Variants in CSK observed in about 807,000 individuals in gnomAD.
CSK encodes the protein tyrosine-protein kinase CSK.
CSK carries 7 observed loss-of-function variants against 62.3 expected under a neutral mutation model. That is an observed-to-expected ratio of 0.11 (90% CI 0.06 to 0.21). CSK has a LOEUF of 0.21. CSK is among the 10% of genes least tolerant of loss of function. The pLI is 1.00. For synonymous variants in CSK, 237 were observed against 246.0 expected, an observed-to-expected ratio of 0.96 and a Z score of 0.34; for missense variants, 294 against 613.5, an observed-to-expected ratio of 0.48 and a Z score of 5.50.
chr15:74,802,656 C>T lies in CSK; in HGVS notation c.*143C>T. ...TTTTCCTGCGTCCCAGCCTGCACCC[C>T]TCCGGCCCCGTCTCTCTTGGACCCA... On this transcript the variant is annotated 3_prime_UTR_variant, in exon 13 of 13. Transcript: ENST00000220003. The T allele has an allele frequency of 9.7e-7, 1 of 1,034,640 alleles. No individual in the cohort carries two copies. The highest frequency in any genetic ancestry group is 1.4e-6 in the Non-Finnish European group (1 of 733,304). 64.1% of individuals were successfully genotyped at this position (1,034,640 alleles called of 1,614,324 possible).
At chr15:74,796,600 A>G (rs1045109469) in intron 1 of CSK, among the ~76,000 whole-genome samples, 2 of 152,192 alleles carry the variant, frequency 1.3e-5, no homozygotes, top group South Asian at 4.1e-4. Flanking sequence ...TCTCAAAAAA[A>G]AAAAAAAAAG....
chr15:74,800,022 G>A (rs1297252038), intron 5 of CSK, among the ~76,000 whole-genome samples: 3 of 152,278 alleles, frequency 2.0e-5, no homozygotes, highest in Non-Finnish European at 2.9e-5. Context: ...GAAGCCTCCC[G>A]TGTCCCTCTG....
At position 74,802,596 on chromosome 15, in the gene CSK, G is replaced by A. The variant is rs549963610; in HGVS notation, c.*83G>A. On this transcript the variant is annotated 3_prime_UTR_variant, in exon 13 of 13. Coordinates refer to ENST00000220003, the MANE Select transcript of CSK (RefSeq NM_004383.3). The stretch of plus-strand genomic sequence containing the variant: ...CCTGGTGCCCCTGCTCACTGGGCCC[G>A]AGCCTGAACTGAGCCCCAGCGGGCT... 5.6e-4 allele frequency: 855 copies of A among 1,526,704 alleles called. 1 individual carries two copies. The highest frequency in any genetic ancestry group is 6.8e-4 in the Non-Finnish European group (775 of 1,132,398). The allele number at this position is 1,526,704 out of a possible 1,614,324, so 94.6% of individuals were successfully genotyped here. A position where few individuals can be genotyped will look rare whatever the true frequency, so the allele number is the denominator to read the frequency against.
At chr15:74,797,397 A>T (rs2063723069) in intron 1 of CSK, among the ~76,000 whole-genome samples, 1 of 152,198 alleles carries the variant, frequency 6.6e-6, no homozygotes, top group Admixed American at 6.5e-5. Context: ...CTCTACTGAA[A>T]ATACAAAAAT....
At chr15:74,801,946 C>A in intron 11 of CSK, 51 bp from the exon 12 acceptor site, 1 of 1,610,186 alleles carries the variant, frequency 6.2e-7, no homozygotes, top group Non-Finnish European at 8.5e-7. Flanking sequence ...TGGGTCACTC[C>A]CCACCCTGGA....
At chr15:74,800,318 G>C (rs2063769103) in intron 5 of CSK, 94 bp from the exon 6 acceptor site, 1 of 1,087,750 alleles carries the variant, frequency 9.2e-7, no homozygotes, top group Admixed American at 2.0e-5. Flanking sequence ...GCTAGGCGGG[G>C]CTGGCCTCTG....
rs758566357 is a variant in CSK at position 74,798,568 on chromosome 15, T to A, written c.16-47T>A. On this transcript the variant is annotated intron_variant, in intron 2 of 12. Transcript: ENST00000220003. The surrounding 1 kb of genome is among the most constrained non-coding windows in gnomAD (Gnocchi z 6.6). ...CCACGAGGGTGCGCCAGCAGGTGGC[T>A]GGAGGGGGCCCAGGCTGCACCCGCC... 7.7e-6 allele frequency: 12 copies of A among 1,555,780 alleles called. No homozygotes were observed. The highest frequency in any genetic ancestry group is 9.7e-6 in the Non-Finnish European group (11 of 1,131,070).
In CSK at chr15:74,782,155, C is replaced by A. The variant is rs1402601775; in HGVS notation, c.-631C>A. The A allele has an allele frequency of 6.7e-6, 1 of 148,816 alleles. No homozygotes were observed. The highest frequency in any genetic ancestry group is 1.5e-5 in the Non-Finnish European group (1 of 66,522). 9.2% of individuals were successfully genotyped at this position (148,816 alleles called of 1,614,324 possible). ...GAGCCCTGGGCGAGCCGAGGTTGGC[C>A]GCCGCCGCCGCCGAGCCCGCTGCCG... On this transcript the variant is annotated 5_prime_UTR_variant, in exon 1 of 13. Transcript: ENST00000220003. The surrounding 1 kb of genome is among the most constrained non-coding windows in gnomAD (Gnocchi z 5.7).
At chr15:74,794,036 C>T (rs2063665398) in intron 1 of CSK, among the ~76,000 whole-genome samples, 2 of 152,126 alleles carry the variant, frequency 1.3e-5, no homozygotes, top group Non-Finnish European at 2.9e-5. Context: ...CCTCAGTTTC[C>T]GCTTCTGTGA....
At chr15:74,795,124 A>C (rs1327907846) in intron 1 of CSK, among the ~76,000 whole-genome samples, 1 of 152,062 alleles carries the variant, frequency 6.6e-6, no homozygotes, top group Non-Finnish European at 1.5e-5. Context: ...ACCTTTGCTC[A>C]GACTGCTGCA....
At chr15:74,783,545 C>T (rs2063469930) in intron 1 of CSK, among the ~76,000 whole-genome samples, 1 of 152,218 alleles carries the variant, frequency 6.6e-6, no homozygotes, top group Non-Finnish European at 1.5e-5. Flanking sequence ...CCTTTCATCC[C>T]CAGCTATACA....
At chr15:74,793,840 G>A (rs932796028) in intron 1 of CSK, among the ~76,000 whole-genome samples, 7 of 151,960 alleles carry the variant, frequency 4.6e-5, no homozygotes, top group African/African-American at 7.3e-5. Flanking sequence ...CAGCCTCCGC[G>A]CCCCCCTGTG....
chr15:74,799,250 C>T (rs2063752797), intron 4 of CSK, 22 bp from the exon 5 acceptor site: 13 of 1,596,280 alleles, frequency 8.1e-6, no homozygotes, highest in Non-Finnish European at 9.4e-6. Context: ...CCACCATGAC[C>T]TCCAGCCCTG....
chr15:74,791,911 G>A (rs938868009), intron 1 of CSK, among the ~76,000 whole-genome samples: 6 of 152,188 alleles, frequency 3.9e-5, no homozygotes, highest in African/African-American at 9.7e-5. Context: ...TTGTCCGCAC[G>A]TCTCCCTGTA....
At position 74,800,861 on chromosome 15, in the gene CSK, G is replaced by A. The variant is rs971393786; in HGVS notation, c.661G>A (p.Val221Ile). ...LGDYRGNKVA[V>I]KCIKNDATAQ... The stretch of plus-strand genomic sequence containing the variant: ...CGATTACCGAGGGAACAAAGTCGCC[G>A]TCAAGTGCATTAAGAACGACGCCAC... The change falls in exon 8 of 13, where the codon GTC (valine) becomes ATC (isoleucine). Residue 221 changes from valine to isoleucine, a missense_variant. Val to Ile is a conservative substitution (Grantham distance 29). Around this residue, in one of 3 missense-constraint regions of CSK, gnomAD observed 202 missense variants for 415.7 expected, o/e 0.49. Coordinates refer to ENST00000220003, the MANE Select transcript of CSK (RefSeq NM_004383.3). 7 of 1,613,284 alleles carry A rather than the reference G, an allele frequency of 4.3e-6. No individual in the cohort carries two copies. Among genetic ancestry groups the A allele is most frequent in the Non-Finnish European group, 5.9e-6 (7 of 1,180,006 alleles).
At chr15:74,784,351 G>C (rs1010842032) in intron 1 of CSK, among the ~76,000 whole-genome samples, 4 of 152,128 alleles carry the variant, frequency 2.6e-5, no homozygotes, top group Admixed American at 6.5e-5. Context: ...TGGGGCTGGA[G>C]CCTGACATGG....
Position 74,802,558 on chromosome 15 carries a change from G to T in CSK, c.*45G>T. The T allele has an allele frequency of 6.3e-7, 1 of 1,593,822 alleles. No individual in the cohort carries two copies. ...TCATGGGCCTGTGGGGACTGAACCT[G>T]GAAGATCATGGACCTGGTGCCCCTG... On this transcript the variant is annotated 3_prime_UTR_variant, in exon 13 of 13. Transcript: ENST00000220003.
At chr15:74,792,164 A>G (rs2063631750) in intron 1 of CSK, among the ~76,000 whole-genome samples, 1 of 152,042 alleles carries the variant, frequency 6.6e-6, no homozygotes, top group African/African-American at 2.4e-5. Context: ...CCCCCAACTG[A>G]TGGACATAAA....
chr15:74,800,805 C>T lies in CSK; in HGVS notation c.623-18C>T. The T allele has an allele frequency of 6.2e-7, 1 of 1,606,028 alleles. No individual in the cohort carries two copies. Among genetic ancestry groups the T allele is most frequent in the South Asian group, 1.1e-5 (1 of 90,056 alleles). On this transcript the variant is annotated intron_variant, in intron 7 of 12. Transcript: ENST00000220003. ...AGGGACTCCGAACTTGGGAACAAGA[C>T]CACCTCTCTGCCCCCAGACGTGATG...
Sources: allele counts gnomAD v4.1 joint callset (sites outside exome capture counted in the v4.1 genomes callset), GRCh38; gene constraint gnomAD v4.1.1; regional missense constraint gnomAD v4.1.1; non-coding constraint Gnocchi (gnomAD v3.1); transcripts MANE v1.5; gene names NCBI Gene and HGNC (gene_info 2026-07-23, HGNC 2026-07-21).